EHD4: variants seen among roughly 807,000 people sequenced by gnomAD.
The protein encoded by EHD4 is EH domain-containing protein 4.
Under a neutral mutation model 51.0 loss-of-function variants are expected in EHD4, and 37 were observed. The ratio of observed to expected loss-of-function variants is 0.73; its 90% CI spans 0.56 to 0.95. The LOEUF (loss-of-function observed/expected upper bound fraction) is 0.95, where lower values mean the gene tolerates loss of function less well. Ranked by LOEUF, EHD4 falls within the 40% of genes least tolerant of loss-of-function variation. The pLI is 0.00. For synonymous variants in EHD4, 297 were observed against 317.3 expected (o/e 0.94, Z 0.68); for missense variants, 632 against 733.1 (o/e 0.86, Z 1.59).
At position 41,919,608 on chromosome 15, in the gene EHD4, G is replaced by A; in HGVS notation, c.526C>T (p.Gln176Ter). Residue 176 changes from glutamine to a stop codon, truncating the protein, a stop_gained, in exon 4 of 6, where the codon CAG (glutamine) becomes TAG (stop). Coordinates refer to ENST00000220325, the MANE Select transcript of EHD4 (RefSeq NM_139265.4). LOFTEE classifies it high-confidence loss of function. ...CTCTCGGCAAACCACTGCAGGACCT[G>A]GCAGAAGTCATAGCCTGGGTGGAGA... ...QRISRGYDFC[Q>*]VLQWFAERVD... is the part of the protein sequence containing the mutation. 1 of 1,513,380 alleles carries A rather than the reference G, an allele frequency of 6.6e-7. No homozygotes were observed. 93.7% of individuals were successfully genotyped at this position (1,513,380 alleles called of 1,614,324 possible).
intron 3 of EHD4, among the ~76,000 whole-genome samples, chr15:41,926,511 C>T (rs1406846518): frequency 6.6e-6 from 1 of 152,194 alleles, no homozygotes; most frequent in Non-Finnish European, 1.5e-5. Context: ...TTGTGTCCCT[C>T]CAGCACCCGT....
chr15:41,921,211 G>A (rs1018877284), intron 3 of EHD4, among the ~76,000 whole-genome samples: 3 of 152,284 alleles, frequency 2.0e-5, no homozygotes, highest in South Asian at 4.1e-4. Flanking sequence ...GCCGCCACAC[G>A]CGTGGATACT....
chr15:41,927,470 G>C (rs1397889134), intron 3 of EHD4, among the ~76,000 whole-genome samples: 1 of 152,206 alleles, frequency 6.6e-6, no homozygotes, highest in Non-Finnish European at 1.5e-5. Flanking sequence ...TGAACGGATA[G>C]AGAAAATGTG....
intron 2 of EHD4, among the ~76,000 whole-genome samples, chr15:41,953,511 C>T (rs751320990): frequency 3.9e-5 from 6 of 152,194 alleles, no homozygotes; most frequent in Non-Finnish European, 7.3e-5. Flanking sequence ...GAGCCACACA[C>T]CTGGCCCTGT....
intron 5 of EHD4, among the ~76,000 whole-genome samples, chr15:41,907,631 T>C (rs537656776): frequency 2.4e-4 from 36 of 152,276 alleles, no homozygotes; most frequent in African/African-American, 8.2e-4. Context: ...GTAATCCTCC[T>C]ACCTCAGCCT....
intron 2 of EHD4, among the ~76,000 whole-genome samples, chr15:41,945,850 C>A (rs757984645): frequency 8.5e-5 from 13 of 152,216 alleles, no homozygotes. Context: ...TAGTGAAGAA[C>A]CTGGGCTCTG....
intron 2 of EHD4, among the ~76,000 whole-genome samples, 191 bp downstream of exon 2, chr15:41,953,573 C>T (rs1168120831): frequency 6.6e-6 from 1 of 151,980 alleles, no homozygotes; most frequent in Non-Finnish European, 1.5e-5. Flanking sequence ...CTCAAGTTAC[C>T]CAGAATAGGC....
At chr15:41,924,828 A>G (rs553834995) in intron 3 of EHD4, among the ~76,000 whole-genome samples, 14 of 152,274 alleles carry the variant, frequency 9.2e-5, no homozygotes, top group African/African-American at 2.9e-4. Flanking sequence ...AGGTCAAGGC[A>G]GGTGGATCGC....
At chr15:41,909,417 A>G (rs894442118) in intron 5 of EHD4, among the ~76,000 whole-genome samples, 1 of 152,182 alleles carries the variant, frequency 6.6e-6, no homozygotes, top group African/African-American at 2.4e-5. Flanking sequence ...ATGTCACCGC[A>G]ACATCAACCA....
At chr15:41,901,779 T>TG (rs1466954611) in intron 5 of EHD4, among the ~76,000 whole-genome samples, 1 of 152,158 alleles carries the variant, frequency 6.6e-6, no homozygotes, top group Non-Finnish European at 1.5e-5. Context: ...TAACCTCTTA[T>TG]GAATGAGCTG....
intron 3 of EHD4, among the ~76,000 whole-genome samples, chr15:41,929,536 C>A (rs553690931): frequency 2.0e-5 from 3 of 152,288 alleles, no homozygotes; most frequent in African/African-American, 7.2e-5. Context: ...AGATTAAATA[C>A]CAGATGAAGA....
Position 41,897,097 on chromosome 15 carries a change from T to C in EHD4, c.*3548A>G, listed in dbSNP as rs2067443759. The C allele has an allele frequency of 1.3e-5, 2 of 152,120 alleles. 1 individual carries two copies. Among genetic ancestry groups the C allele is most frequent in the South Asian group, 4.1e-4 (2 of 4,820 alleles). 9.4% of individuals were successfully genotyped at this position (152,120 alleles called of 1,614,324 possible). ...AATAAGATTACAAAAAGAAAAAAAATAGAAGCATTGCGTATTAACTGCATT... is the reference window on the plus strand; with the variant it reads ...AATAAGATTACAAAAAGAAAAAAAACAGAAGCATTGCGTATTAACTGCATT... On this transcript the variant is annotated 3_prime_UTR_variant, in exon 6 of 6. Transcript: ENST00000220325.
chr15:41,919,309 C>A lies in EHD4; in HGVS notation c.825G>T (p.Glu275Asp). Residue 275 changes from glutamate to aspartate, a missense_variant, in exon 4 of 6, where the codon GAG becomes GAT. By Grantham distance (45) the Glu-to-Asp change is conservative (BLOSUM62 2). Transcript: ENST00000220325. ...LQNTDNRRLF[E>D]AEAQDLFRDI... ...CTCTAAAGAGGTCCTGGGCCTCAGCCTCGAAGAGCCGGCGGTTGTCCGTGT... is the reference window on the plus strand; with the variant it reads ...CTCTAAAGAGGTCCTGGGCCTCAGCATCGAAGAGCCGGCGGTTGTCCGTGT... 1 of 1,614,226 alleles carries A rather than the reference C, an allele frequency of 6.2e-7. No individual in the cohort carries two copies. The highest frequency in any genetic ancestry group is 8.5e-7 in the Non-Finnish European group (1 of 1,180,050).
intron 2 of EHD4, among the ~76,000 whole-genome samples, chr15:41,947,282 G>A (rs2141001562): frequency 6.6e-6 from 1 of 152,318 alleles, no homozygotes; most frequent in East Asian, 1.9e-4. Flanking sequence ...GCTTCCTTGT[G>A]TGGTTTGCTC....
At chr15:41,943,938 T>A (rs950588140) in intron 2 of EHD4, among the ~76,000 whole-genome samples, 4 of 152,156 alleles carry the variant, frequency 2.6e-5, no homozygotes, top group South Asian at 4.1e-4. Context: ...GGGGACCAGG[T>A]TGGGGAAGGC....
chr15:41,968,557 T>C (rs1418049925), intron 1 of EHD4, among the ~76,000 whole-genome samples: 1 of 151,908 alleles, frequency 6.6e-6, no homozygotes, highest in Non-Finnish European at 1.5e-5. Flanking sequence ...CCCAAAGTGT[T>C]AGGATTACAG....
intron 3 of EHD4, among the ~76,000 whole-genome samples, chr15:41,928,097 A>G (rs1429539962): frequency 6.6e-6 from 1 of 152,230 alleles, no homozygotes; most frequent in Non-Finnish European, 1.5e-5. Context: ...CAGCCACTTC[A>G]GGGCAAGGAG....
intron 3 of EHD4, chr15:41,921,698 G>T (rs1366255817): frequency 6.6e-6 from 1 of 152,218 alleles, no homozygotes; most frequent in Non-Finnish European, 1.5e-5. Context: ...GTATCTGAAG[G>T]TTCAGAAACA....
chr15:41,946,655 G>T (rs1228156192), intron 2 of EHD4, among the ~76,000 whole-genome samples: 1 of 152,208 alleles, frequency 6.6e-6, no homozygotes, highest in Non-Finnish European at 1.5e-5. Context: ...GAGCCCAGGA[G>T]GTCGGAGCTG....
Sources: allele counts gnomAD v4.1 joint callset (sites outside exome capture counted in the v4.1 genomes callset), GRCh38; gene constraint gnomAD v4.1.1; transcripts MANE v1.5; gene names NCBI Gene and HGNC (gene_info 2026-07-23, HGNC 2026-07-21).